PGPEP1: variants seen among roughly 807,000 people sequenced by gnomAD.
PGPEP1 encodes the protein pyroglutamyl-peptidase 1.
In PGPEP1, 15 loss-of-function variants were observed where a neutral mutation model predicts 24.1. The ratio of observed to expected loss-of-function variants is 0.62; its 90% CI spans 0.42 to 0.96. The LOEUF (loss-of-function observed/expected upper bound fraction) is 0.96. Among genes scored for constraint, PGPEP1 ranks in the 40% least tolerant of loss-of-function variants. PGPEP1 has a pLI of 0.00. For synonymous variants in PGPEP1, 122 were observed against 116.4 expected, an observed-to-expected ratio of 1.05 and a Z score of -0.31; for missense variants, 242 against 273.4, an observed-to-expected ratio of 0.89 and a Z score of 0.81.
At chr19:18,348,056 C>T (rs1666881491) in intron 2 of PGPEP1, among the ~76,000 whole-genome samples, 2 of 151,954 alleles carry the variant, frequency 1.3e-5, no homozygotes, top group Admixed American at 1.3e-4. Flanking sequence ...AGAGGGGACC[C>T]CCCCTTGTCT....
rs995778712 is a variant in PGPEP1 at position 18,364,842 on chromosome 19, G to A, written c.*1259G>A. The stretch of plus-strand genomic sequence containing the variant: ...GCTTTTGACTTTTCTTTTTTAATAT[G>A]TAAAACTCCACATCAGCGGAAACCC... On this transcript the variant is annotated 3_prime_UTR_variant, in exon 5 of 5. Coordinates refer to ENST00000269919, the MANE Select transcript of PGPEP1 (RefSeq NM_017712.4). 1.3e-5 allele frequency: 2 copies of A among 151,918 alleles called. No individual in the cohort carries two copies. Among genetic ancestry groups the A allele is most frequent in the African/African-American group, 4.8e-5 (2 of 41,332 alleles). 9.4% of individuals were successfully genotyped at this position (151,918 alleles called of 1,614,324 possible).
chr19:18,353,971 A>T (rs776263163), intron 2 of PGPEP1, among the ~76,000 whole-genome samples: 4 of 152,124 alleles, frequency 2.6e-5, no homozygotes, highest in Non-Finnish European at 5.9e-5. Flanking sequence ...ACAGTGGCTC[A>T]CCCCTGTAAT....
In PGPEP1 at chr19:18,361,919, G is replaced by T. The variant is rs1440464827; in HGVS notation, c.438-1472G>T. The stretch of plus-strand genomic sequence containing the variant: ...CTGGCGAGTTCTCCATTTTTTTCTG[G>T]CTGTACCACATTCCTTGTAAACAGA... On this transcript the variant is annotated intron_variant, in intron 4 of 4. Coordinates refer to ENST00000269919, the MANE Select transcript of PGPEP1 (RefSeq NM_017712.4). The T allele has an allele frequency of 8.2e-6, 8 of 978,620 alleles. No individual in the cohort carries two copies. In the South Asian group the frequency reaches 3.8e-4, roughly 46 times the overall value. The allele number at this position is 978,620 out of a possible 1,614,324, so 60.6% of individuals were successfully genotyped here. A position where few individuals can be genotyped will look rare whatever the true frequency, so the allele number is the denominator to read the frequency against.
intron 2 of PGPEP1, among the ~76,000 whole-genome samples, chr19:18,348,263 G>A (rs1970917060): frequency 6.6e-6 from 1 of 152,138 alleles, no homozygotes. Context: ...AGCTGGGTGA[G>A]GAGGACCCGG....
chr19:18,362,648 A>C (rs576180785), intron 4 of PGPEP1, among the ~76,000 whole-genome samples: 12 of 150,154 alleles, frequency 8.0e-5, no homozygotes, highest in Non-Finnish European at 1.6e-4. Context: ...GAATCACTTG[A>C]GCCGAGGAGG....
intron 4 of PGPEP1, among the ~76,000 whole-genome samples, chr19:18,358,253 C>CTT (rs58979840): frequency 0.017 from 1,068 of 64,456 alleles, 38 homozygotes; most frequent in East Asian, 0.018. Context: ...TCCAGTATGA[C>CTT]TTTTTTTTTT....
intron 4 of PGPEP1, 157 bp downstream of exon 4, chr19:18,357,772 T>C (rs1971231024): frequency 1.6e-6 from 1 of 627,150 alleles, no homozygotes. Context: ...GCAGGTGCCG[T>C]TGGTTCTGCT....
At chr19:18,356,127 C>G (rs765236265) in intron 3 of PGPEP1, 116 bp downstream of exon 3, 7 of 693,442 alleles carry the variant, frequency 1.0e-5, no homozygotes, top group Non-Finnish European at 1.9e-5. Flanking sequence ...TGCCATACAG[C>G]CTTGTCCTCA....
At chr19:18,351,133 A>G (rs921378981) in intron 2 of PGPEP1, among the ~76,000 whole-genome samples, 2 of 151,738 alleles carry the variant, frequency 1.3e-5, no homozygotes, top group Admixed American at 1.3e-4. Flanking sequence ...TAAGCGGGGC[A>G]TGGTGCCTGT....
chr19:18,368,564 C>A lies in PGPEP1; in HGVS notation c.*4981C>A, dbSNP rs1277972937. 6.6e-6 allele frequency: 1 copy of A among 152,586 alleles called. No homozygotes were observed. The highest frequency in any genetic ancestry group is 1.9e-4 in the East Asian group (1 of 5,200). 9.5% of individuals were successfully genotyped at this position (152,586 alleles called of 1,614,324 possible). ...AGCTGGAAAAGTAGATTCAAGATGC[C>A]TTTTAGTCTTGGAAGTTTCTTCCAG... On this transcript the variant is annotated 3_prime_UTR_variant, in exon 5 of 5. Transcript: ENST00000269919.
intron 2 of PGPEP1, among the ~76,000 whole-genome samples, chr19:18,352,918 C>CTT (rs147065945): frequency 0.044 from 6,314 of 144,626 alleles, 439 homozygotes; most frequent in African/African-American, 0.15. Context: ...CAGGTTGAAT[C>CTT]TTTTTTTTTT....
rs1555713521 is a variant in PGPEP1 at position 18,364,083 on chromosome 19, G to GCTGGCTTTCTGT, written c.*502_*503insGGCTTTCTGTCT. 1 of 86,644 alleles carries GCTGGCTTTCTGT rather than the reference G, an allele frequency of 1.2e-5. No individual in the cohort carries two copies. The allele number at this position is 86,644 out of a possible 1,614,324, so 5.4% of individuals were successfully genotyped here. A position where few individuals can be genotyped will look rare whatever the true frequency, so the allele number is the denominator to read the frequency against. The stretch of plus-strand genomic sequence containing the variant: ...ACCCTGGGATATGGCTGGCTGGCTG[G>GCTGGCTTTCTGT]CTTTCTTTCTTTCTTTCTTTCTTTC... On this transcript the variant is annotated 3_prime_UTR_variant, in exon 5 of 5. Coordinates refer to ENST00000269919, the MANE Select transcript of PGPEP1 (RefSeq NM_017712.4).
At chr19:18,342,996 A>C in intron 2 of PGPEP1, 85 bp downstream of exon 2, 2 of 1,052,452 alleles carry the variant, frequency 1.9e-6, no homozygotes, top group Non-Finnish European at 2.9e-6. Flanking sequence ...TCCCCTTTTA[A>C]CAAAAACTTT....
intron 2 of PGPEP1, among the ~76,000 whole-genome samples, chr19:18,354,174 G>A (rs1244847016): frequency 6.6e-6 from 1 of 152,154 alleles, no homozygotes; most frequent in Non-Finnish European, 1.5e-5. Flanking sequence ...GGCAGAGGTT[G>A]CAGTGAACCG....
intron 2 of PGPEP1, among the ~76,000 whole-genome samples, chr19:18,354,613 G>A (rs1275915401): frequency 6.6e-6 from 1 of 152,158 alleles, no homozygotes; most frequent in Non-Finnish European, 1.5e-5. Flanking sequence ...AACCGCCTGG[G>A]CTTAGGTAAT....
At chr19:18,348,924 T>C (rs751100401) in intron 2 of PGPEP1, 31 of 164,944 alleles carry the variant, frequency 1.9e-4, no homozygotes, top group Middle Eastern at 3.1e-3. Context: ...GCCTGGCTAA[T>C]TTTTTAAATT....
intron 2 of PGPEP1, among the ~76,000 whole-genome samples, chr19:18,346,055 G>A (rs1716544903): frequency 6.6e-6 from 1 of 151,226 alleles, no homozygotes; most frequent in African/African-American, 2.4e-5. Context: ...AACATTCTCT[G>A]GTTCTTCCTC....
chr19:18,364,104 C>CTTTCTTTTTTCTT lies in PGPEP1; in HGVS notation c.*528_*529insTTTCTTTTTCTTT. On this transcript the variant is annotated 3_prime_UTR_variant, in exon 5 of 5. Transcript: ENST00000269919. ...GCTGGCTTTCTTTCTTTCTTTCTTT[C>CTTTCTTTTTTCTT]TTTCTTTCTTGCTTTCTTTCTTTCT... 7.1e-6 allele frequency: 1 copy of CTTTCTTTTTTCTT among 140,222 alleles called. No individual in the cohort carries two copies. Among genetic ancestry groups the CTTTCTTTTTTCTT allele is most frequent in the East Asian group, 2.1e-4 (1 of 4,800 alleles). The allele number at this position is 140,222 out of a possible 1,614,324, so 8.7% of individuals were successfully genotyped here. A position where few individuals can be genotyped will look rare whatever the true frequency, so the allele number is the denominator to read the frequency against.
Position 18,363,518 on chromosome 19 carries a change from A to C in PGPEP1, c.565A>C (p.Ile189Leu), listed in dbSNP as rs748079208. 1.9e-6 allele frequency: 3 copies of C among 1,614,168 alleles called. No individual in the cohort carries two copies. In the South Asian group the frequency reaches 3.3e-5, roughly 18 times the overall value. The change falls in exon 5 of 5, where the codon ATT (isoleucine) becomes CTT (leucine). Residue 189 changes from isoleucine to leucine, a missense_variant. Ile to Leu is a conservative substitution (Grantham distance 5). Transcript: ENST00000269919. The stretch of plus-strand genomic sequence containing the variant: ...GCTGGGCAGGGCACTGAGAGCCATC[A>C]TTGAGGAGATGTTGGACCTCCTGGA... Reference protein sequence around the residue: ...DQLGRALRAIIEEMLDLLEQS... With the variant: ...DQLGRALRAILEEMLDLLEQS...
Sources: gnomAD v4.1 joint callset for allele counts (sites outside exome capture counted in the v4.1 genomes callset) on GRCh38, gnomAD v4.1.1 for gene constraint, MANE v1.5 for transcripts, NCBI Gene and HGNC (gene_info 2026-07-23, HGNC 2026-07-21) for gene names.